The following KIN variants were observed in gnomAD, a reference collection of about 807,000 sequenced individuals.
The protein encoded by KIN is DNA/RNA-binding protein KIN17.
Under a neutral mutation model 63.0 loss-of-function variants are expected in KIN, and 47 were observed. The observed-to-expected ratio is 0.75, with a 90% CI of 0.59 to 0.95. The LOEUF is 0.95. Among genes scored for constraint, KIN ranks in the 40% least tolerant of loss-of-function variants. The pLI, the probability that KIN is intolerant of heterozygous loss-of-function variation, is 0.00. For missense variants in KIN, 408 were observed against 460.9 expected, an observed-to-expected ratio of 0.89 and a Z score of 1.05; for synonymous variants, 160 against 157.7, an observed-to-expected ratio of 1.01 and a Z score of -0.11.
intron 12 of KIN, among the ~76,000 whole-genome samples, chr10:7,758,509 T>G (rs1414583531): frequency 6.6e-6 from 1 of 152,192 alleles, no homozygotes; most frequent in Non-Finnish European, 1.5e-5. Flanking sequence ...GAAATTAGTT[T>G]TTGATGAATG....
rs568461188 is a variant in KIN at position 7,753,179 on chromosome 10, G to GA, written c.*2900dup. On this transcript the variant is annotated 3_prime_UTR_variant, in exon 13 of 13. Coordinates refer to ENST00000379562, the MANE Select transcript of KIN (RefSeq NM_012311.4). ...CTATCAAGTTCTACAGACTCAGAGG[G>GA]AAAAAACTACTGTGAAGTCTATAAT... is the stretch of plus-strand genomic sequence containing the variant. The GA allele has an allele frequency of 5.8e-4, 88 of 152,234 alleles. No individual in the cohort carries two copies. Among genetic ancestry groups the GA allele is most frequent in the African/African-American group, 2.0e-3 (85 of 41,554 alleles). 9.4% of individuals were successfully genotyped at this position (152,234 alleles called of 1,614,324 possible). A position where few individuals can be genotyped will look rare whatever the true frequency, so the allele number is the denominator to read the frequency against.
At chr10:7,782,493 G>C (rs761121263) in intron 2 of KIN, among the ~76,000 whole-genome samples, 1 of 151,246 alleles carries the variant, frequency 6.6e-6, no homozygotes, top group Non-Finnish European at 1.5e-5. Flanking sequence ...CTGCCTCCCC[G>C]GTTCAAGCAA....
intron 12 of KIN, among the ~76,000 whole-genome samples, chr10:7,758,657 T>A (rs1835378779): frequency 6.9e-6 from 1 of 144,024 alleles, no homozygotes; most frequent in Non-Finnish European, 1.5e-5. Flanking sequence ...ATAAGGTAAG[T>A]TTCATGCATG....
intron 2 of KIN, 104 bp from the exon 3 acceptor site, chr10:7,780,411 T>C: frequency 1.1e-6 from 1 of 949,140 alleles, no homozygotes; most frequent in Non-Finnish European, 1.6e-6. Flanking sequence ...TTGTTTTTTT[T>C]GAGACAGAGT....
intron 2 of KIN, among the ~76,000 whole-genome samples, chr10:7,781,976 T>C (rs1422435648): frequency 6.6e-6 from 1 of 151,996 alleles, no homozygotes; most frequent in African/African-American, 2.4e-5. Context: ...GAGAATTGCT[T>C]GAACCCAGGA....
Position 7,753,363 on chromosome 10 carries a change from C to T in KIN, c.*2717G>A, listed in dbSNP as rs898883985. On this transcript the variant is annotated 3_prime_UTR_variant, in exon 13 of 13. Transcript: ENST00000379562. ...AGAAAACCACCAAGTTGATTCCAAA[C>T]GTACATACTTGGGGGAGGCATATGT... The T allele has an allele frequency of 2.4e-4, 36 of 152,144 alleles. No homozygotes were observed. Among genetic ancestry groups the T allele is most frequent in the African/African-American group, 8.2e-4 (34 of 41,430 alleles). 9.4% of individuals were successfully genotyped at this position (152,144 alleles called of 1,614,324 possible).
In KIN at chr10:7,754,054, G is replaced by T. The variant is rs747127989; in HGVS notation, c.*2026C>A. On this transcript the variant is annotated 3_prime_UTR_variant, in exon 13 of 13. Coordinates refer to ENST00000379562, the MANE Select transcript of KIN (RefSeq NM_012311.4). ...CTTGTAGAAGATCAACTCAGGCAAG[G>T]CGTGGTAGCTCACACCTGTAATCAC... The T allele has an allele frequency of 2.2e-6, 1 of 456,026 alleles. No homozygotes were observed. The highest frequency in any genetic ancestry group is 1.5e-5 in the South Asian group (1 of 64,562). 28.2% of individuals were successfully genotyped at this position (456,026 alleles called of 1,614,324 possible). A position where few individuals can be genotyped will look rare whatever the true frequency, so the allele number is the denominator to read the frequency against.
In KIN at chr10:7,764,262, T is replaced by TGAGAA. The variant is rs1835496428; in HGVS notation, c.850-472_850-471insTTCTC. On this transcript the variant is annotated intron_variant, in intron 9 of 12. Coordinates refer to ENST00000379562, the MANE Select transcript of KIN (RefSeq NM_012311.4). ...GCAGGACAGTTCTCACTATGCCCCT[T>TGAGAA]TCTCATTAAGTTGCTTTGAATTTTC... Among the ~76,000 whole-genome samples, 8 of 152,330 alleles carry TGAGAA rather than the reference T, an allele frequency of 5.3e-5. No individual in the cohort carries two copies. The South Asian group carries it at 1.7e-3, about 32-fold the overall frequency.
intron 5 of KIN, 110 bp from the exon 6 acceptor site, chr10:7,775,909 A>T (rs1835760286): frequency 3.3e-6 from 2 of 597,164 alleles, no homozygotes; most frequent in South Asian, 4.2e-5. Context: ...TCTAATACGC[A>T]AGTGATTAAG....
chr10:7,773,960 A>G (rs1835715920), intron 7 of KIN, among the ~76,000 whole-genome samples: 1 of 152,240 alleles, frequency 6.6e-6, no homozygotes, highest in South Asian at 2.1e-4. Context: ...GAACTACCTG[A>G]CCACATGCTA....
At chr10:7,763,837 C>A (rs1268116377) in intron 9 of KIN, 46 bp from the exon 10 acceptor site, 2 of 957,236 alleles carry the variant, frequency 2.1e-6, no homozygotes, top group Admixed American at 2.2e-5. Context: ...CAGAAGTTAT[C>A]GTTTGTCATT....
chr10:7,772,288 G>A (rs1379464777), intron 7 of KIN, among the ~76,000 whole-genome samples: 1 of 152,176 alleles, frequency 6.6e-6, no homozygotes, highest in Non-Finnish European at 1.5e-5. Context: ...TGTTAGAAGG[G>A]TGAGAGACTG....
chr10:7,777,902 CCCA>C (rs1835812980), intron 5 of KIN, among the ~76,000 whole-genome samples: 1 of 123,554 alleles, frequency 8.1e-6, no homozygotes. Context: ...CCGTCCCCCC[CCCA>C]AAAAAAAAAA....
Position 7,780,696 on chromosome 10 carries a change from T to C in KIN, c.210-389A>G, listed in dbSNP as rs111779600. On this transcript the variant is annotated intron_variant, in intron 2 of 12. Transcript: ENST00000379562. ...GACTACAGGCGTGAGCCACTGCATC[T>C]AGCCAGTAGTATAGTTTTAATGTCC... is the stretch of plus-strand genomic sequence containing the variant. Among the ~76,000 whole-genome samples the C allele has an allele frequency of 6.6e-5, 10 of 152,300 alleles. 2 individuals carry two copies. The highest frequency in any genetic ancestry group is 2.2e-4 in the African/African-American group (9 of 41,572).
In KIN at chr10:7,754,223, C is replaced by T. The variant is rs1466069432; in HGVS notation, c.*1857G>A. 5.2e-6 allele frequency: 2 copies of T among 382,204 alleles called. No homozygotes were observed. The highest frequency in any genetic ancestry group is 3.9e-5 in the South Asian group (2 of 51,574). 23.7% of individuals were successfully genotyped at this position (382,204 alleles called of 1,614,324 possible). On this transcript the variant is annotated 3_prime_UTR_variant, in exon 13 of 13. Coordinates refer to ENST00000379562, the MANE Select transcript of KIN (RefSeq NM_012311.4). ...GTGCATGCCTGTAGTCCCAGCTACT[C>T]GGGAGGCTGAGGTGGGAGAATCAAT...
At chr10:7,782,269 A>G (rs1835912707) in intron 2 of KIN, among the ~76,000 whole-genome samples, 1 of 152,184 alleles carries the variant, frequency 6.6e-6, no homozygotes, top group African/African-American at 2.4e-5. Context: ...ATTAATGGTA[A>G]TGATAAGAAC....
At position 7,762,498 on chromosome 10, in the gene KIN, T is replaced by G; in HGVS notation, c.977A>C (p.Lys326Thr). Residue 326 changes from lysine (K) to threonine (T), a missense_variant, in exon 11 of 13, where the codon AAA becomes ACA. Physicochemically the swap from Lys to Thr is moderately conservative, Grantham distance 78 (BLOSUM62 -1). Coordinates refer to ENST00000379562, the MANE Select transcript of KIN (RefSeq NM_012311.4). Reference sequence around the variant, plus strand: ...TGTCTCTAAATGAGTCTGGTCAAGTTTCAGCTTGTCTCCAGAATCAATCAT... The same window carrying G: ...TGTCTCTAAATGAGTCTGGTCAAGTGTCAGCTTGTCTCCAGAATCAATCAT... ...VKMIDSGDKL[K>T]LDQTHLETVI... The G allele has an allele frequency of 6.2e-7, 1 of 1,612,578 alleles. No individual in the cohort carries two copies. Among genetic ancestry groups the G allele is most frequent in the Non-Finnish European group, 8.5e-7 (1 of 1,179,080 alleles).
intron 8 of KIN, among the ~76,000 whole-genome samples, chr10:7,766,666 A>G (rs1472635425): frequency 1.3e-5 from 2 of 152,170 alleles, no homozygotes; most frequent in Non-Finnish European, 2.9e-5. Flanking sequence ...AACTGCTTAC[A>G]GTTAACCCTA....
Position 7,754,200 on chromosome 10 carries a change from G to A in KIN, c.*1880C>T, listed in dbSNP as rs1588466445. 4.8e-6 allele frequency: 2 copies of A among 420,454 alleles called. No homozygotes were observed. The highest frequency in any genetic ancestry group is 2.5e-5 in the Admixed American group (1 of 39,274). The allele number at this position is 420,454 out of a possible 1,614,324, so 26.0% of individuals were successfully genotyped here. ...AAAAAAATTAGCCAGGCATGGTAGT[G>A]CATGCCTGTAGTCCCAGCTACTCGG... On this transcript the variant is annotated 3_prime_UTR_variant, in exon 13 of 13. Transcript: ENST00000379562.
Sources: gnomAD v4.1 joint callset for allele counts (sites outside exome capture counted in the v4.1 genomes callset) on GRCh38, gnomAD v4.1.1 for gene constraint, MANE v1.5 for transcripts, NCBI Gene and HGNC (gene_info 2026-07-23, HGNC 2026-07-21) for gene names.